GMDS: variants seen among roughly 807,000 people sequenced by gnomAD.
GMDS encodes the protein GDP-mannose 4,6-dehydratase, also known as GDP-mannose 4,6 dehydratase.
GMDS carries 20 observed loss-of-function variants against 49.9 expected under a neutral mutation model. That is an observed-to-expected ratio of 0.40 (90% confidence interval 0.28 to 0.58). The LOEUF is 0.58. Ranked by LOEUF, GMDS falls within the 20% of genes least tolerant of loss-of-function variation. GMDS has a pLI of 0.42. For synonymous variants in GMDS, 177 were observed against 178.6 expected, an observed-to-expected ratio of 0.99 and a Z score of 0.07; for missense variants, 362 against 481.4, an observed-to-expected ratio of 0.75 and a Z score of 2.32.
chr6:2,184,451 C>G (rs1342619106), intron 1 of GMDS, among the ~76,000 whole-genome samples: 1 of 152,160 alleles, frequency 6.6e-6, no homozygotes, highest in African/African-American at 2.4e-5. Flanking sequence ...TCTTTCCATC[C>G]CTTGAACACA....
chr6:1,878,629 A>C (rs1561861431), intron 7 of GMDS, among the ~76,000 whole-genome samples: 1 of 152,214 alleles, frequency 6.6e-6, no homozygotes, highest in African/African-American at 2.4e-5. Flanking sequence ...TGTGAGGTGC[A>C]AAATGCAAAT....
intron 1 of GMDS, among the ~76,000 whole-genome samples, chr6:2,222,713 G>A (rs940875906): frequency 6.6e-6 from 1 of 152,218 alleles, no homozygotes; most frequent in Non-Finnish European, 1.5e-5. Context: ...CAGGCGGTCA[G>A]TAGGCACCAC....
At chr6:1,891,370 T>C (rs1272164667) in intron 7 of GMDS, among the ~76,000 whole-genome samples, 3 of 152,196 alleles carry the variant, frequency 2.0e-5, no homozygotes, top group Non-Finnish European at 4.4e-5. Flanking sequence ...TTTAATGTGC[T>C]GGGATAAGAA....
At chr6:1,741,479 A>G (rs1218701428) in intron 8 of GMDS, among the ~76,000 whole-genome samples, 1 of 152,060 alleles carries the variant, frequency 6.6e-6, no homozygotes, top group African/African-American at 2.4e-5. Context: ...TGATGAAAGA[A>G]ATTTGGAAAA....
At chr6:2,142,607 A>G (rs972350784) in intron 1 of GMDS, among the ~76,000 whole-genome samples, 2 of 152,086 alleles carry the variant, frequency 1.3e-5, no homozygotes, top group African/African-American at 4.8e-5. Context: ...CAACCCTGAC[A>G]ACACCTTGAT....
chr6:1,885,098 G>T (rs1364001288), intron 7 of GMDS, among the ~76,000 whole-genome samples: 1 of 152,144 alleles, frequency 6.6e-6, no homozygotes, highest in Non-Finnish European at 1.5e-5. Flanking sequence ...AGTAATTTAT[G>T]AATTTAAGGG....
chr6:1,875,107 C>A (rs1758968062), intron 7 of GMDS, among the ~76,000 whole-genome samples: 1 of 151,940 alleles, frequency 6.6e-6, no homozygotes, highest in African/African-American at 2.4e-5. Context: ...TTTGGGTTAC[C>A]TATTCTTGGG....
At chr6:2,233,868 G>A (rs1292250383) in intron 1 of GMDS, among the ~76,000 whole-genome samples, 1 of 152,126 alleles carries the variant, frequency 6.6e-6, no homozygotes, top group Non-Finnish European at 1.5e-5. Context: ...CTTGGTCCAG[G>A]GGATACAGTT....
At chr6:2,102,788 C>T (rs1050715111) in intron 4 of GMDS, among the ~76,000 whole-genome samples, 1 of 152,088 alleles carries the variant, frequency 6.6e-6, no homozygotes, top group East Asian at 1.9e-4. Flanking sequence ...TTATCTTACA[C>T]CCTGGTTTTA....
chr6:1,642,683 A>G (rs1763368427), intron 9 of GMDS, among the ~76,000 whole-genome samples: 3 of 152,142 alleles, frequency 2.0e-5, no homozygotes, highest in Admixed American at 2.0e-4. Context: ...GACGTGGAGT[A>G]ATATTTTGAC....
chr6:1,995,116 C>T (rs1581481456), intron 4 of GMDS, among the ~76,000 whole-genome samples: 1 of 152,156 alleles, frequency 6.6e-6, no homozygotes, highest in East Asian at 1.9e-4. Context: ...CCTGGCTGTA[C>T]ACCACAGCCA....
intron 1 of GMDS, among the ~76,000 whole-genome samples, chr6:2,163,614 G>C (rs1173039983): frequency 6.6e-6 from 1 of 152,176 alleles, no homozygotes; most frequent in Non-Finnish European, 1.5e-5. Context: ...TGAGTCCAAA[G>C]GGAGGAAAAG....
chr6:1,658,188 G>A (rs1051054811), intron 9 of GMDS, among the ~76,000 whole-genome samples: 4 of 152,254 alleles, frequency 2.6e-5, no homozygotes, highest in African/African-American at 9.6e-5. Flanking sequence ...ACATGCCACT[G>A]TCCTTCCTAC....
At chr6:2,089,661 T>C (rs975822321) in intron 4 of GMDS, among the ~76,000 whole-genome samples, 1 of 152,236 alleles carries the variant, frequency 6.6e-6, no homozygotes, top group Non-Finnish European at 1.5e-5. Flanking sequence ...TCTTGGGTCT[T>C]ATTTGTGGTA....
chr6:2,084,817 T>G (rs1772920000), intron 4 of GMDS, among the ~76,000 whole-genome samples: 1 of 152,202 alleles, frequency 6.6e-6, no homozygotes, highest in Non-Finnish European at 1.5e-5. Context: ...TAAATAAAAC[T>G]CTTTAATTCA....
chr6:2,080,478 T>C (rs1299958473), intron 4 of GMDS, among the ~76,000 whole-genome samples: 1 of 152,196 alleles, frequency 6.6e-6, no homozygotes, highest in Non-Finnish European at 1.5e-5. Context: ...GGGGAGGGCA[T>C]TGTTTTGAAC....
At position 2,033,258 on chromosome 6, in the gene GMDS, C is replaced by A. The variant is rs77557853; in HGVS notation, c.346-72292G>T. On this transcript the variant is annotated intron_variant, in intron 4 of 10. Transcript: ENST00000380815. ...AATAATTGCTGAAAGACACCACAAA[C>A]CCAATCATGTGGTTAGGAGTAAAGA... 9.4e-3 allele frequency among the ~76,000 whole-genome samples: 1,434 copies of A among 152,270 alleles called. 8 individuals are homozygous for A. Among genetic ancestry groups the A allele is most frequent in the Non-Finnish European group, 0.016 (1,061 of 68,000 alleles).
At chr6:2,044,676 C>T (rs1267190580) in intron 4 of GMDS, among the ~76,000 whole-genome samples, 1 of 152,050 alleles carries the variant, frequency 6.6e-6, no homozygotes, top group South Asian at 2.1e-4. Flanking sequence ...TGAGTTCACC[C>T]ATATAACAAA....
intron 4 of GMDS, among the ~76,000 whole-genome samples, chr6:2,097,744 T>A (rs929255997): frequency 6.6e-6 from 1 of 152,194 alleles, no homozygotes; most frequent in South Asian, 2.1e-4. Context: ...TAGGCTCCAG[T>A]TCCGCCCTAA....
Sources: gnomAD v4.1 joint callset for allele counts (sites outside exome capture counted in the v4.1 genomes callset) on GRCh38, gnomAD v4.1.1 for gene constraint, MANE v1.5 for transcripts, NCBI Gene and HGNC (gene_info 2026-07-23, HGNC 2026-07-21) for gene names.